Variants in SCGN observed in about 807,000 individuals in gnomAD.
SCGN encodes secretagogin, EF-hand calcium binding protein.
Under a neutral mutation model 39.7 loss-of-function variants are expected in SCGN, and 30 were observed. The ratio of observed to expected loss-of-function variants is 0.76; its 90% CI spans 0.57 to 1.03. The LOEUF (loss-of-function observed/expected upper bound fraction) is 1.03, where lower values mean the gene tolerates loss of function less well. SCGN is among the 50% of genes least tolerant of loss of function. SCGN has a pLI of 0.00. For missense variants in SCGN, 353 were observed against 349.4 expected (o/e 1.01, Z -0.08); for synonymous variants, 106 against 114.1 (o/e 0.93, Z 0.45).
intron 10 of SCGN, among the ~76,000 whole-genome samples, chr6:25,700,910 G>T (rs1442898060): frequency 6.6e-6 from 1 of 152,174 alleles, no homozygotes; most frequent in Non-Finnish European, 1.5e-5. Context: ...CTACTTTGCG[G>T]CAAAGTATCT....
At position 25,670,153 on chromosome 6, in the gene SCGN, A is replaced by G. The variant is rs1759476121; in HGVS notation, c.471+77A>G. ...CCAGACCCCAGAAACAGTGTCTGCTAGAGAGTTCGTCCTTGAGAAATTGAA... is the reference window on the plus strand; with the variant it reads ...CCAGACCCCAGAAACAGTGTCTGCTGGAGAGTTCGTCCTTGAGAAATTGAA... On this transcript the variant is annotated intron_variant, in intron 6 of 10. Coordinates refer to ENST00000377961, the MANE Select transcript of SCGN (RefSeq NM_006998.4). 4 of 995,848 alleles carry G rather than the reference A, an allele frequency of 4.0e-6. No homozygotes were observed. In the South Asian group the frequency reaches 5.3e-5, roughly 13 times the overall value. The allele number at this position is 995,848 out of a possible 1,614,324, so 61.7% of individuals were successfully genotyped here.
chr6:25,698,436 G>C (rs1354920005), intron 10 of SCGN, among the ~76,000 whole-genome samples: 1 of 152,238 alleles, frequency 6.6e-6, no homozygotes, highest in Non-Finnish European at 1.5e-5. Context: ...TCACACTAAT[G>C]TGTAAATGAC....
intron 3 of SCGN, among the ~76,000 whole-genome samples, chr6:25,664,561 A>AT (rs1260432445): frequency 6.6e-6 from 1 of 152,116 alleles, no homozygotes; most frequent in Non-Finnish European, 1.5e-5. Context: ...CATAAGCATT[A>AT]TTTGCTATTT....
chr6:25,683,120 T>G (rs758662644), intron 7 of SCGN, among the ~76,000 whole-genome samples: 1 of 152,168 alleles, frequency 6.6e-6, no homozygotes, highest in Non-Finnish European at 1.5e-5. Context: ...TTTGTCCACA[T>G]TGATATAGAA....
intron 6 of SCGN, among the ~76,000 whole-genome samples, chr6:25,679,449 C>G (rs912647339): frequency 6.6e-6 from 1 of 151,838 alleles, no homozygotes; most frequent in Non-Finnish European, 1.5e-5. Context: ...AAATGAGCAC[C>G]CTTGCAGCTT....
intron 6 of SCGN, among the ~76,000 whole-genome samples, chr6:25,679,957 G>A (rs1299092316): frequency 6.6e-6 from 1 of 152,172 alleles, no homozygotes; most frequent in Non-Finnish European, 1.5e-5. Flanking sequence ...TATGGAAAGA[G>A]CTCTGGTGAC....
At chr6:25,691,330 A>G (rs1759771540) in intron 10 of SCGN, among the ~76,000 whole-genome samples, 1 of 152,240 alleles carries the variant, frequency 6.6e-6, no homozygotes, top group Admixed American at 6.5e-5. Context: ...TGAAGCTATC[A>G]TACAAGTATG....
intron 4 of SCGN, among the ~76,000 whole-genome samples, chr6:25,667,680 C>T (rs940909989): frequency 2.0e-5 from 3 of 152,092 alleles, no homozygotes; most frequent in Non-Finnish European, 4.4e-5. Context: ...TCATCCTGTT[C>T]CTTCTTCTTC....
chr6:25,652,583 T>C, intron 1 of SCGN, 98 bp downstream of exon 1: 2 of 1,146,400 alleles, frequency 1.7e-6, no homozygotes, highest in Non-Finnish European at 2.6e-6. Flanking sequence ...GTAGGAAAAG[T>C]TATCGACCTG....
At chr6:25,681,154 C>T (rs775972372) in intron 6 of SCGN, among the ~76,000 whole-genome samples, 13 of 152,146 alleles carry the variant, frequency 8.5e-5, no homozygotes, top group Non-Finnish European at 1.5e-4. Flanking sequence ...AACTTTTAGT[C>T]CTATCTTGTT....
intron 10 of SCGN, among the ~76,000 whole-genome samples, chr6:25,700,101 C>A (rs762365414): frequency 7.9e-5 from 12 of 151,714 alleles, no homozygotes; most frequent in Non-Finnish European, 1.6e-4. Context: ...AAAAATTAGC[C>A]GGGCATGATG....
chr6:25,697,762 G>T (rs1470050847), intron 10 of SCGN, among the ~76,000 whole-genome samples: 1 of 152,166 alleles, frequency 6.6e-6, no homozygotes, highest in East Asian at 1.9e-4. Context: ...TTTTATTTCA[G>T]ATCCACTCTC....
intron 4 of SCGN, 46 bp from the exon 5 acceptor site, chr6:25,669,437 AACTGTAGTAGATACCACATAATTATTCC>A (rs1390453355): frequency 8.0e-7 from 1 of 1,244,278 alleles, no homozygotes; most frequent in East Asian, 2.3e-5. Context: ...TCAGATGCTG[AACTGTAGTAGATACCACATAATTATTCC>A]AAGTTATCTG....
intron 3 of SCGN, among the ~76,000 whole-genome samples, chr6:25,663,415 T>A (rs1264890814): frequency 6.6e-6 from 1 of 152,206 alleles, no homozygotes; most frequent in African/African-American, 2.4e-5. Context: ...TTACTTAATT[T>A]CTCTGAGCTC....
intron 6 of SCGN, 96 bp from the exon 7 acceptor site, chr6:25,681,855 A>G: frequency 9.7e-7 from 1 of 1,034,404 alleles, no homozygotes; most frequent in Admixed American, 1.9e-5. Flanking sequence ...AATTTAGGCA[A>G]ATATGTAATC....
intron 3 of SCGN, 106 bp from the exon 4 acceptor site, chr6:25,664,837 G>T: frequency 2.8e-6 from 2 of 715,082 alleles, no homozygotes; most frequent in Non-Finnish European, 2.4e-6. Flanking sequence ...TGGAAGATCT[G>T]AGCCCTTCTG....
chr6:25,653,311 CAT>C (rs1262040451), intron 1 of SCGN, 69 bp from the exon 2 acceptor site: 40 of 1,086,690 alleles, frequency 3.7e-5, no homozygotes, highest in Non-Finnish European at 4.5e-5. Context: ...AGATTAAAAA[CAT>C]ATTTAGATAA....
At chr6:25,655,855 G>A (rs2151376463) in intron 2 of SCGN, among the ~76,000 whole-genome samples, 1 of 152,252 alleles carries the variant, frequency 6.6e-6, no homozygotes, top group African/African-American at 2.4e-5. Context: ...CCACTGAGCT[G>A]TGGCAATAGC....
At chr6:25,680,473 C>T (rs1759624645) in intron 6 of SCGN, among the ~76,000 whole-genome samples, 1 of 152,200 alleles carries the variant, frequency 6.6e-6, no homozygotes, top group Non-Finnish European at 1.5e-5. Flanking sequence ...TAGGTAGAAG[C>T]ATAATTTACC....
Sources: allele counts gnomAD v4.1 joint callset (sites outside exome capture counted in the v4.1 genomes callset), GRCh38; gene constraint gnomAD v4.1.1; transcripts MANE v1.5; gene names NCBI Gene and HGNC (gene_info 2026-07-23, HGNC 2026-07-21).